Variants in LAMB4 observed in about 807,000 individuals in gnomAD.
The protein encoded by LAMB4 is laminin subunit beta 4.
A neutral mutation model predicts 199.2 loss-of-function variants in LAMB4; 196 were observed. The observed-to-expected ratio is 0.98, with a 90% CI of 0.88 to 1.11. LAMB4 has a LOEUF of 1.11. LAMB4 is among the 50% of genes least tolerant of loss of function. LAMB4 has a pLI of 0.00. For synonymous variants in LAMB4, 744 were observed against 770.6 expected (o/e 0.97, Z 0.57); for missense variants, 2,080 against 2,171.2 (o/e 0.96, Z 0.83).
rs777941055 is a variant in LAMB4 at position 108,043,837 on chromosome 7, TTCC to T, written c.4383_4385del (p.Glu1462del). 2.5e-6 allele frequency: 4 copies of T among 1,610,072 alleles called. No homozygotes were observed. Among genetic ancestry groups the T allele is most frequent in the Non-Finnish European group, 2.5e-6 (3 of 1,178,256 alleles). ...TTTGGTTTCTTATATTTCCCAGTTT[TTCC>T]CTCAGCTGTAAGGCATTGTTTTTGG... is the stretch of plus-strand genomic sequence containing the variant. On this transcript the variant is annotated inframe_deletion, in exon 29 of 34. Transcript: ENST00000388781.
In LAMB4 at chr7:108,037,372, T is replaced by A. The variant is rs1453129580; in HGVS notation, c.4679+16A>T. The A allele has an allele frequency of 1.3e-6, 2 of 1,592,822 alleles. No individual in the cohort carries two copies. The highest frequency in any genetic ancestry group is 2.2e-5 in the South Asian group (2 of 90,506). The stretch of plus-strand genomic sequence containing the variant: ...GGTCTGTTAGAGCAAGATAAGAATA[T>A]TAATACAGTACTTACTCAGCTGCTT... On this transcript the variant is annotated intron_variant, in intron 30 of 33. Coordinates refer to ENST00000388781, the MANE Select transcript of LAMB4 (RefSeq NM_007356.3).
chr7:108,077,620 G>T (rs1357432595), intron 16 of LAMB4, among the ~76,000 whole-genome samples: 4 of 152,116 alleles, frequency 2.6e-5, no homozygotes, highest in African/African-American at 4.8e-5. Context: ...CTTGAACCCA[G>T]CAGGCAGAGG....
intron 2 of LAMB4, 120 bp downstream of exon 2, chr7:108,123,011 G>T: frequency 1.2e-6 from 1 of 805,258 alleles, no homozygotes; most frequent in Non-Finnish European, 1.9e-6. Flanking sequence ...AACAACAACA[G>T]AATAGCTACA....
intron 31 of LAMB4, among the ~76,000 whole-genome samples, chr7:108,031,962 TA>T (rs2035054814): frequency 1.3e-5 from 2 of 152,154 alleles, no homozygotes; most frequent in African/African-American, 4.8e-5. Context: ...TTGTTGGTCA[TA>T]CTTTCATACA....
chr7:108,079,682 G>A lies in LAMB4; in HGVS notation c.1806C>T (p.Leu602=), dbSNP rs778882872. Residue 602 remains leucine, a synonymous_variant, in exon 15 of 34, where the codon CTC becomes CTT. Coordinates refer to ENST00000388781, the MANE Select transcript of LAMB4 (RefSeq NM_007356.3). ...CAGCAAATCTCAAGCCAGCCCCAGG[G>A]AGAACCCTGGCAAATCCAGGTCCAG... ...TWTGPGFARV[L]PGAGLRFAVN... The A allele has an allele frequency of 1.2e-5, 20 of 1,613,144 alleles. No individual in the cohort carries two copies. The South Asian group carries it at 2.0e-4, about 16-fold the overall frequency.
chr7:108,019,570 T>G (rs183543554), downstream of LAMB4, among the ~76,000 whole-genome samples: 12 of 152,232 alleles, frequency 7.9e-5, no homozygotes, highest in Non-Finnish European at 4.4e-5. Flanking sequence ...AACTTCCTTT[T>G]AGGGTTGTGC....
intron 1 of LAMB4, among the ~76,000 whole-genome samples, chr7:108,127,189 G>T (rs891898768): frequency 5.1e-4 from 35 of 69,052 alleles, no homozygotes; most frequent in East Asian, 1.4e-3. Context: ...TTTTTTTTGT[G>T]TTTTTTTTTT....
intron 16 of LAMB4, 40 bp downstream of exon 16, chr7:108,078,161 T>C (rs1359577463): frequency 8.2e-6 from 11 of 1,338,852 alleles, no homozygotes; most frequent in Non-Finnish European, 1.2e-5. Flanking sequence ...AACAAAATTC[T>C]AAGAAGCTTT....
chr7:108,067,114 G>T (rs899757168), intron 19 of LAMB4, among the ~76,000 whole-genome samples: 3 of 152,060 alleles, frequency 2.0e-5, no homozygotes, highest in African/African-American at 7.2e-5. Flanking sequence ...AAAATGTGAT[G>T]CCAGTTTATG....
At chr7:108,083,859 GA>G (rs1340431762) in intron 14 of LAMB4, among the ~76,000 whole-genome samples, 70 of 152,342 alleles carry the variant, frequency 4.6e-4, no homozygotes, top group African/African-American at 1.5e-3. Context: ...TAGAGGTCTT[GA>G]TTCTTGGAGG....
chr7:108,107,629 A>C lies in LAMB4; in HGVS notation c.591+2T>G. The C allele has an allele frequency of 1.3e-6, 2 of 1,576,354 alleles. No individual in the cohort carries two copies. The highest frequency in any genetic ancestry group is 1.4e-5 in the African/African-American group (1 of 72,958). On this transcript the variant is annotated splice_donor_variant, in intron 6 of 33. Coordinates refer to ENST00000388781, the MANE Select transcript of LAMB4 (RefSeq NM_007356.3). LOFTEE classifies it high-confidence loss of function. ...AAATAAATACAAGGAAGGAAATGCT[A>C]CCTCTCCACCTGTTGAGGGTTCAAT...
intron 33 of LAMB4, among the ~76,000 whole-genome samples, chr7:108,024,714 G>GTTCCATCCATCC: frequency 6.6e-6 from 1 of 151,208 alleles, no homozygotes; most frequent in African/African-American, 2.4e-5. Context: ...TCGATCCATT[G>GTTCCATCCATCC]ATCCATCCAT....
chr7:108,107,900 TA>T, intron 5 of LAMB4, 81 bp from the exon 6 acceptor site: 3 of 992,414 alleles, frequency 3.0e-6, no homozygotes, highest in Non-Finnish European at 4.4e-6. Context: ...TTGTATTTTC[TA>T]ATTCCATTTT....
intron 30 of LAMB4, among the ~76,000 whole-genome samples, chr7:108,034,849 AC>A (rs1309728242): frequency 2.6e-5 from 4 of 152,276 alleles, no homozygotes; most frequent in African/African-American, 9.6e-5. Context: ...GGTTAAAATC[AC>A]AAGCATTCCA....
chr7:108,116,319 A>G (rs1350722578), intron 2 of LAMB4, among the ~76,000 whole-genome samples, 158 bp from the exon 3 acceptor site: 1 of 152,186 alleles, frequency 6.6e-6, no homozygotes, highest in African/African-American at 2.4e-5. Context: ...AATGGTCCCT[A>G]CTTTGCTTGC....
intron 9 of LAMB4, 66 bp from the exon 10 acceptor site, chr7:108,103,298 C>T (rs2037882784): frequency 7.4e-7 from 1 of 1,355,392 alleles, no homozygotes; most frequent in Admixed American, 2.2e-5. Context: ...AGTGCCCCCG[C>T]ACTGGTCAGG....
chr7:108,118,972 G>A (rs932804058), intron 2 of LAMB4, among the ~76,000 whole-genome samples: 10 of 152,138 alleles, frequency 6.6e-5, no homozygotes, highest in Admixed American at 3.3e-4. Flanking sequence ...ATGAGCAAAT[G>A]GCAAGTGACA....
chr7:108,127,194 T>G, intron 1 of LAMB4, among the ~76,000 whole-genome samples: 1 of 148,812 alleles, frequency 6.7e-6, no homozygotes. Flanking sequence ...TTTGTGTTTT[T>G]TTTTTTTTTT....
intron 17 of LAMB4, 58 bp from the exon 18 acceptor site, chr7:108,069,943 C>T: frequency 7.2e-7 from 1 of 1,379,988 alleles, no homozygotes; most frequent in East Asian, 2.3e-5. Flanking sequence ...TACGATTCTA[C>T]TTACATATAA....
Sources: gnomAD v4.1 joint callset for allele counts (sites outside exome capture counted in the v4.1 genomes callset) on GRCh38, gnomAD v4.1.1 for gene constraint, MANE v1.5 for transcripts, NCBI Gene and HGNC (gene_info 2026-07-23, HGNC 2026-07-21) for gene names.